The following STAU1 variants were observed in gnomAD, a reference collection of about 807,000 sequenced individuals.
STAU1 encodes staufen double-stranded RNA binding protein 1, also known as double-stranded RNA-binding protein Staufen homolog 1.
Under a neutral mutation model 62.9 loss-of-function variants are expected in STAU1, and 13 were observed. The observed-to-expected ratio is 0.21, with a 90% CI of 0.13 to 0.33. The LOEUF is 0.33. Among genes scored for constraint, STAU1 ranks in the 10% least tolerant of loss-of-function variants. STAU1 has a pLI of 1.00. For missense variants in STAU1, 571 were observed against 712.1 expected (o/e 0.80, Z 2.25); for synonymous variants, 269 against 265.1 (o/e 1.01, Z -0.14).
At chr20:49,150,333 A>G (rs1323316955) in intron 5 of STAU1, among the ~76,000 whole-genome samples, 1 of 152,052 alleles carries the variant, frequency 6.6e-6, no homozygotes, top group African/African-American at 2.4e-5. Context: ...TACACTTACA[A>G]TAGTCAATTT....
At chr20:49,125,081 A>AC (rs1486454272) in intron 6 of STAU1, among the ~76,000 whole-genome samples, 1 of 150,370 alleles carries the variant, frequency 6.7e-6, no homozygotes, top group Non-Finnish European at 1.5e-5. Context: ...TAAAAAAAAA[A>AC]AAAAAAAAAA....
At chr20:49,169,101 C>T (rs778322377) in intron 2 of STAU1, among the ~76,000 whole-genome samples, 1 of 151,988 alleles carries the variant, frequency 6.6e-6, no homozygotes, top group South Asian at 2.1e-4. Flanking sequence ...CAGGCGTGTA[C>T]CACCACACCC....
At chr20:49,181,525 G>T (rs764028446) in intron 1 of STAU1, among the ~76,000 whole-genome samples, 13 of 152,072 alleles carry the variant, frequency 8.5e-5, no homozygotes, top group Admixed American at 1.3e-4. Context: ...ATCACTTTGC[G>T]AGGCTAAGGC....
intron 5 of STAU1, among the ~76,000 whole-genome samples, chr20:49,138,905 G>C (rs764424866): frequency 2.0e-5 from 3 of 152,106 alleles, no homozygotes; most frequent in African/African-American, 7.2e-5. Context: ...AAAGGCTGGA[G>C]TTCTACAGAG....
the STAU1 span, among the ~76,000 whole-genome samples, chr20:49,201,841 GA>G: frequency 6.6e-6 from 1 of 151,688 alleles, no homozygotes; most frequent in Non-Finnish European, 1.5e-5. Flanking sequence ...TGCAGCTAAA[GA>G]AATACTTAGA....
At position 49,115,799 on chromosome 20, in the gene STAU1, T is replaced by C. The variant is rs926612692; in HGVS notation, c.1701A>G (p.Gly567=). 6.8e-6 allele frequency: 11 copies of C among 1,614,030 alleles called. No homozygotes were observed. In the Admixed American group the frequency reaches 1.8e-4, roughly 27 times the overall value. ...DQQSTEMPRT[G]NGPMSVCGRC is the part of the protein sequence containing the mutation. Reference sequence around the variant, plus strand: ...GCACTCACACAGACATTGGTCCGTTTCCTGTTCTTGGCATCTCTGTACTTT... The same window carrying C: ...GCACTCACACAGACATTGGTCCGTTCCCTGTTCTTGGCATCTCTGTACTTT... The change falls in exon 13 of 14, where the codon GGA becomes GGG. Residue 567 remains glycine (G), a synonymous_variant. Coordinates refer to ENST00000371856, the MANE Select transcript of STAU1 (RefSeq NM_017453.4).
At chr20:49,169,667 G>C (rs1301869573) in intron 2 of STAU1, among the ~76,000 whole-genome samples, 2 of 152,186 alleles carry the variant, frequency 1.3e-5, no homozygotes, top group Admixed American at 1.3e-4. Context: ...AGATTCTTCA[G>C]ATCTCGCTGG....
In STAU1 at chr20:49,177,353, T is replaced by C. The variant is rs192156340; in HGVS notation, c.-159-3084A>G. ...GTGTTTGAGACCAGCCTGGGCAACATGGCAAGACCCTGTCTCTATTAAAAT... is the reference window on the plus strand; with the variant it reads ...GTGTTTGAGACCAGCCTGGGCAACACGGCAAGACCCTGTCTCTATTAAAAT... On this transcript the variant is annotated intron_variant, in intron 1 of 13. Coordinates refer to ENST00000371856, the MANE Select transcript of STAU1 (RefSeq NM_017453.4). 2.0e-3 allele frequency among the ~76,000 whole-genome samples: 306 copies of C among 151,580 alleles called. 1 individual carries two copies. Among genetic ancestry groups the C allele is most frequent in the African/African-American group, 7.0e-3 (291 of 41,354 alleles).
intron 5 of STAU1, among the ~76,000 whole-genome samples, chr20:49,146,765 T>A (rs2093140268): frequency 6.6e-6 from 1 of 151,132 alleles, no homozygotes; most frequent in Admixed American, 6.6e-5. Context: ...ACCAACAGGA[T>A]CACACTGTAT....
the STAU1 span, among the ~76,000 whole-genome samples, chr20:49,207,317 G>A: frequency 3.9e-5 from 6 of 152,038 alleles, no homozygotes; most frequent in South Asian, 6.2e-4. Flanking sequence ...CTTTTCTCTC[G>A]CCTCCACTGC....
At chr20:49,203,012 A>C in the STAU1 span, among the ~76,000 whole-genome samples, 1 of 152,310 alleles carries the variant, frequency 6.6e-6, no homozygotes, top group South Asian at 2.1e-4. Flanking sequence ...ACTGCACTCC[A>C]GCCTGGATGA....
intron 9 of STAU1, among the ~76,000 whole-genome samples, chr20:49,119,170 A>T (rs1015236221): frequency 2.0e-5 from 3 of 152,166 alleles, no homozygotes; most frequent in Non-Finnish European, 2.9e-5. Flanking sequence ...CTTCTGGCAG[A>T]CACGAATTTT....
rs560919111 is a variant in STAU1, at chr20:49,184,560, AAAC to A, written c.-160+3553_-160+3555del. Among the ~76,000 whole-genome samples the A allele has an allele frequency of 1.8e-3, 280 of 152,318 alleles. 3 individuals are homozygous for A. The highest frequency in any genetic ancestry group is 6.8e-3 in the Middle Eastern group (2 of 294). ...AGTTTTTTTTCTCAACATTATCTTGAAACAACATTATTCAAGGACCTGCTGTAA... is the reference window on the plus strand; with the variant it reads ...AGTTTTTTTTCTCAACATTATCTTGAAACATTATTCAAGGACCTGCTGTAA... On this transcript the variant is annotated intron_variant, in intron 1 of 13. Transcript: ENST00000371856.
intron 4 of STAU1, among the ~76,000 whole-genome samples, chr20:49,152,338 G>GT (rs2093267190): frequency 1.2e-5 from 1 of 85,532 alleles, no homozygotes; most frequent in Non-Finnish European, 2.3e-5. Flanking sequence ...ATCCACTAAT[G>GT]TCTTTTTTTT....
chr20:49,135,656 G>A (rs773122090), intron 6 of STAU1, among the ~76,000 whole-genome samples, 177 bp downstream of exon 6: 5 of 151,994 alleles, frequency 3.3e-5, no homozygotes, highest in African/African-American at 4.8e-5. Flanking sequence ...CCTTAGTTAC[G>A]GACTCCCAGA....
In STAU1 at chr20:49,178,929, C is replaced by A. The variant is rs1455189504; in HGVS notation, c.-159-4660G>T. 9.3e-3 allele frequency among the ~76,000 whole-genome samples: 659 copies of A among 70,564 alleles called. 6 individuals carry two copies. Among genetic ancestry groups the A allele is most frequent in the Middle Eastern group, 0.037 (4 of 108 alleles). The allele number at this position is 70,564 out of a possible 152,430, so 46.3% of individuals were successfully genotyped here. A position where few individuals can be genotyped will look rare whatever the true frequency, so the allele number is the denominator to read the frequency against. The stretch of plus-strand genomic sequence containing the variant: ...TCCACTAAAAAAAAAAAAAAAAAAA[C>A]AACTAGCTGGGCATGGTGGCGGGCA... On this transcript the variant is annotated intron_variant, in intron 1 of 13. Transcript: ENST00000371856.
chr20:49,173,088 C>A (rs1417111791), intron 2 of STAU1, among the ~76,000 whole-genome samples: 1 of 151,520 alleles, frequency 6.6e-6, no homozygotes, highest in Non-Finnish European at 1.5e-5. Flanking sequence ...TCTTGATCCG[C>A]CCACCTTGGC....
chr20:49,151,819 G>T (rs184823828), intron 4 of STAU1, 72 bp from the exon 5 acceptor site: 4 of 1,362,108 alleles, frequency 2.9e-6, no homozygotes, highest in Admixed American at 5.3e-5. Flanking sequence ...TCTGGCAAAT[G>T]CAAGTATTTC....
chr20:49,126,574 C>CAAAAAAAAAAAAAAA (rs58056780), intron 6 of STAU1, among the ~76,000 whole-genome samples: 1 of 25,030 alleles, frequency 4.0e-5, no homozygotes, highest in Non-Finnish European at 8.1e-5. Context: ...TCTCAAAAAG[C>CAAAAAAAAAAAAAAA]AAAAAAAAAA....
Sources: gnomAD v4.1 joint callset for allele counts (sites outside exome capture counted in the v4.1 genomes callset) on GRCh38, gnomAD v4.1.1 for gene constraint, MANE v1.5 for transcripts, NCBI Gene and HGNC (gene_info 2026-07-23, HGNC 2026-07-21) for gene names.